Variants in PXDNL observed in about 807,000 individuals in gnomAD.
PXDNL encodes the protein peroxidasin like.
In PXDNL, 145 loss-of-function variants were observed where a neutral mutation model predicts 150.8. The ratio of observed to expected loss-of-function variants is 0.96; its 90% CI spans 0.84 to 1.10. The LOEUF (loss-of-function observed/expected upper bound fraction) is 1.10, where lower values mean the gene tolerates loss of function less well. PXDNL is among the 50% of genes least tolerant of loss of function. The probability of loss-of-function intolerance (pLI) is 0.00; values close to 1 mark genes in which losing one functional copy is unlikely to be tolerated. For synonymous variants in PXDNL, 757 were observed against 725.7 expected, an observed-to-expected ratio of 1.04 and a Z score of -0.69; for missense variants, 2,087 against 1,873.9, an observed-to-expected ratio of 1.11 and a Z score of -2.10.
At chr8:51,625,195 T>C (rs1814339659) in intron 2 of PXDNL, among the ~76,000 whole-genome samples, 1 of 152,102 alleles carries the variant, frequency 6.6e-6, no homozygotes, top group Admixed American at 6.6e-5. Context: ...TCACCCAACA[T>C]CTGCTCCCAG....
intron 5 of PXDNL, among the ~76,000 whole-genome samples, chr8:51,484,435 G>GA (rs34843728): frequency 0.91 from 124,461 of 137,054 alleles, 57,497 homozygotes; most frequent in South Asian, 0.99. Context: ...ACTCTGTCTC[G>GA]AAAAAAAAAA....
chr8:51,502,085 CA>C lies in PXDNL; in HGVS notation c.381-2316del, dbSNP rs577849232. Among the ~76,000 whole-genome samples, 19 of 151,100 alleles carry C rather than the reference CA, an allele frequency of 1.3e-4. 1 individual carries two copies. In the South Asian group the frequency reaches 4.0e-3, roughly 31 times the overall value. On this transcript the variant is annotated intron_variant, in intron 4 of 22. Coordinates refer to ENST00000356297, the MANE Select transcript of PXDNL (RefSeq NM_144651.5). ...AGCATAAAGTAAATAAGAGCAACAG[CA>C]AAAAAAAATTTATTGTCCTAAGTGC...
intron 10 of PXDNL, among the ~76,000 whole-genome samples, chr8:51,449,588 T>A (rs903791505): frequency 6.6e-6 from 1 of 152,220 alleles, no homozygotes; most frequent in African/African-American, 2.4e-5. Flanking sequence ...GAAATTATAC[T>A]TTTGAAAAAG....
At chr8:51,806,995 T>C (rs2037683703) in intron 1 of PXDNL, among the ~76,000 whole-genome samples, 1 of 152,210 alleles carries the variant, frequency 6.6e-6, no homozygotes, top group African/African-American at 2.4e-5. Flanking sequence ...ATGATACTAA[T>C]AGTGAAAACT....
At chr8:51,533,670 G>A (rs1436417729) in intron 4 of PXDNL, among the ~76,000 whole-genome samples, 1 of 150,028 alleles carries the variant, frequency 6.7e-6, no homozygotes, top group Non-Finnish European at 1.5e-5. Context: ...TTTTTTTGGT[G>A]GAGACGGGGT....
At chr8:51,615,491 A>C (rs1375336423) in intron 2 of PXDNL, among the ~76,000 whole-genome samples, 1 of 152,190 alleles carries the variant, frequency 6.6e-6, no homozygotes, top group Non-Finnish European at 1.5e-5. Flanking sequence ...TAATTTTTTT[A>C]GCATTGTTAA....
intron 4 of PXDNL, among the ~76,000 whole-genome samples, chr8:51,518,829 G>A (rs1462586261): frequency 6.6e-6 from 1 of 152,102 alleles, no homozygotes; most frequent in Non-Finnish European, 1.5e-5. Context: ...GGGCTCGATA[G>A]GAGAAATGAT....
chr8:51,633,073 C>T (rs1167586704), intron 2 of PXDNL, among the ~76,000 whole-genome samples: 2 of 151,890 alleles, frequency 1.3e-5, no homozygotes, highest in African/African-American at 2.4e-5. Flanking sequence ...TAATACCCCC[C>T]GTGTCAATTT....
At chr8:51,406,471 G>A (rs1360063705) in intron 17 of PXDNL, among the ~76,000 whole-genome samples, 1 of 152,110 alleles carries the variant, frequency 6.6e-6, no homozygotes, top group African/African-American at 2.4e-5. Flanking sequence ...TCTTGCTTTA[G>A]AGTTAAATAC....
chr8:51,624,371 C>T (rs1395381624), intron 2 of PXDNL, among the ~76,000 whole-genome samples: 1 of 151,938 alleles, frequency 6.6e-6, no homozygotes, highest in African/African-American at 2.4e-5. Context: ...TCTAGTTTAA[C>T]CATGAGATAA....
At chr8:51,792,322 C>T (rs796480209) in intron 1 of PXDNL, among the ~76,000 whole-genome samples, 10 of 152,288 alleles carry the variant, frequency 6.6e-5, no homozygotes, top group African/African-American at 2.4e-4. Flanking sequence ...CTGGGAGCCA[C>T]ACAGGGCAAG....
At chr8:51,391,102 T>C (rs1284908794) in intron 17 of PXDNL, among the ~76,000 whole-genome samples, 1 of 152,212 alleles carries the variant, frequency 6.6e-6, no homozygotes, top group Non-Finnish European at 1.5e-5. Flanking sequence ...TGCATAGTAT[T>C]CCATGGTGTA....
rs139996209 is a variant in PXDNL at position 51,755,430 on chromosome 8, G to A, written c.164+53751C>T. The stretch of plus-strand genomic sequence containing the variant: ...CTGCCTCAGCCTCCTGAGTAGCTGG[G>A]ATTACAGGCGCCCACCACCACACTC... On this transcript the variant is annotated intron_variant, in intron 1 of 22. Coordinates refer to ENST00000356297, the MANE Select transcript of PXDNL (RefSeq NM_144651.5). 8.8e-3 allele frequency among the ~76,000 whole-genome samples: 1,332 copies of A among 152,028 alleles called. 10 individuals are homozygous for A. Among genetic ancestry groups the A allele is most frequent in the Middle Eastern group, 0.017 (5 of 294 alleles).
chr8:51,744,926 GAAAA>G (rs1451414562), intron 1 of PXDNL, among the ~76,000 whole-genome samples: 1 of 87,178 alleles, frequency 1.1e-5, no homozygotes, highest in Admixed American at 1.5e-4. Context: ...AGGAAAGAAA[GAAAA>G]AGAAAGAAAG....
chr8:51,572,822 T>C (rs1029273453), intron 3 of PXDNL, among the ~76,000 whole-genome samples: 1 of 151,828 alleles, frequency 6.6e-6, no homozygotes, highest in African/African-American at 2.4e-5. Context: ...ACGCATAAAG[T>C]AAAAATGCTC....
At chr8:51,391,158 T>C (rs1807894701) in intron 17 of PXDNL, among the ~76,000 whole-genome samples, 1 of 152,230 alleles carries the variant, frequency 6.6e-6, no homozygotes, top group Non-Finnish European at 1.5e-5. Context: ...ACATTTGGGT[T>C]GGTTCCAAGT....
chr8:51,666,330 C>T (rs577354552), intron 1 of PXDNL, among the ~76,000 whole-genome samples: 151 of 152,250 alleles, frequency 9.9e-4, no homozygotes, highest in African/African-American at 3.4e-3. Flanking sequence ...TCCCTCTTCC[C>T]TTGACCTTCC....
intron 5 of PXDNL, among the ~76,000 whole-genome samples, chr8:51,497,135 T>A (rs1038913366): frequency 6.6e-6 from 1 of 151,950 alleles, no homozygotes; most frequent in Non-Finnish European, 1.5e-5. Flanking sequence ...ATGCCGCATA[T>A]CTACAACCAT....
At chr8:51,476,297 T>A (rs1336670778) in intron 6 of PXDNL, among the ~76,000 whole-genome samples, 1 of 151,978 alleles carries the variant, frequency 6.6e-6, no homozygotes, top group Non-Finnish European at 1.5e-5. Context: ...CCCCCAGGAG[T>A]TGGCTTTTTT....
Sources: gnomAD v4.1 joint callset for allele counts (sites outside exome capture counted in the v4.1 genomes callset) on GRCh38, gnomAD v4.1.1 for gene constraint, MANE v1.5 for transcripts, NCBI Gene and HGNC (gene_info 2026-07-23, HGNC 2026-07-21) for gene names.